Variants in SLC19A3 observed in about 807,000 individuals in gnomAD.
The protein encoded by SLC19A3 is thiamine transporter 2.
SLC19A3 carries 31 observed loss-of-function variants against 40.2 expected under a neutral mutation model. The ratio of observed to expected loss-of-function variants is 0.77; its 90% CI spans 0.58 to 1.04. SLC19A3 has a LOEUF of 1.04. SLC19A3 is among the 50% of genes least tolerant of loss of function. The pLI is 0.00. For missense variants in SLC19A3, 592 were observed against 596.7 expected, an observed-to-expected ratio of 0.99 and a Z score of 0.08; for synonymous variants, 212 against 227.5, an observed-to-expected ratio of 0.93 and a Z score of 0.61.
chr2:227,689,613 A>G (rs1695145901), intron 4 of SLC19A3, among the ~76,000 whole-genome samples: 1 of 152,230 alleles, frequency 6.6e-6, no homozygotes, highest in Admixed American at 6.5e-5. Context: ...TGAAGGGAGT[A>G]CTTCCATCTC....
intron 2 of SLC19A3, 124 bp downstream of exon 2, chr2:227,702,045 G>T (rs1055041544): frequency 3.1e-5 from 25 of 815,026 alleles, no homozygotes; most frequent in Non-Finnish European, 5.1e-5. Context: ...CACATATTAT[G>T]AAAATCAGGC....
At chr2:227,714,191 T>C (rs1339841688) in intron 1 of SLC19A3, among the ~76,000 whole-genome samples, 1 of 152,184 alleles carries the variant, frequency 6.6e-6, no homozygotes, top group Non-Finnish European at 1.5e-5. Context: ...TCTCTGTAGC[T>C]CTGGACTTTT....
Position 227,698,925 on chromosome 2 carries a change from G to C in SLC19A3, c.790C>G (p.Gln264Glu). 6.2e-7 allele frequency: 1 copy of C among 1,614,084 alleles called. No homozygotes were observed. The highest frequency in any genetic ancestry group is 8.5e-7 in the Non-Finnish European group (1 of 1,179,960). Residue 264 changes from glutamine to glutamate, a missense_variant, in exon 3 of 6, where the codon CAG becomes GAG. Physicochemically the swap from Gln to Glu is conservative, Grantham distance 29. Coordinates refer to ENST00000644224, the MANE Select transcript of SLC19A3 (RefSeq NM_025243.4). ...PSNVTVDVFV[Q>E]WFQDLKECYS... ...CACTCCTTCAAATCTTGGAACCACT[G>C]CACAAAAACGTCCACAGTCACATTG...
intron 1 of SLC19A3, among the ~76,000 whole-genome samples, chr2:227,710,460 C>T (rs1376265706): frequency 6.6e-6 from 1 of 152,280 alleles, no homozygotes; most frequent in East Asian, 1.9e-4. Flanking sequence ...CTTTGGGAGG[C>T]CGAGACGGGT....
At chr2:227,701,219 G>A (rs535163771) in intron 2 of SLC19A3, 14 of 598,042 alleles carry the variant, frequency 2.3e-5, no homozygotes, top group South Asian at 3.8e-5. Flanking sequence ...CCTTGCAGGC[G>A]AAGCCACACA....
chr2:227,687,223 G>T lies in SLC19A3; in HGVS notation c.*174C>A. 1 of 599,654 alleles carries T rather than the reference G, an allele frequency of 1.7e-6. No individual in the cohort carries two copies. Among genetic ancestry groups the T allele is most frequent in the Non-Finnish European group, 2.8e-6 (1 of 352,442 alleles). 37.1% of individuals were successfully genotyped at this position (599,654 alleles called of 1,614,324 possible). A position where few individuals can be genotyped will look rare whatever the true frequency, so the allele number is the denominator to read the frequency against. ...CCTGTCAATTGCATCCAGTAAAATTGGTCACATAGAGAACTCATCTAAAAC... is the reference window on the plus strand; with the variant it reads ...CCTGTCAATTGCATCCAGTAAAATTTGTCACATAGAGAACTCATCTAAAAC... On this transcript the variant is annotated 3_prime_UTR_variant, in exon 6 of 6. Transcript: ENST00000644224.
In SLC19A3 at chr2:227,702,234, T is replaced by A; in HGVS notation, c.85A>T (p.Arg29Ter). Residue 29 changes from arginine (R) to a stop codon, truncating the protein, a stop_gained, in exon 2 of 6, where the codon AGA becomes TGA. Transcript: ENST00000644224. LOFTEE classifies it high-confidence loss of function. The stretch of plus-strand genomic sequence containing the variant: ...GGGATAAGGAATGGTTCTGAGGGTC[T>A]CATCATGGAGAAAAAACCAAATAAG... The part of the protein sequence containing the change: ...LCLFGFFSMM[R>*]PSEPFLIPYL... The A allele has an allele frequency of 6.2e-7, 1 of 1,613,880 alleles. No homozygotes were observed. Among genetic ancestry groups the A allele is most frequent in the Non-Finnish European group, 8.5e-7 (1 of 1,179,780 alleles).
intron 4 of SLC19A3, among the ~76,000 whole-genome samples, chr2:227,694,776 C>T (rs181086589): frequency 1.8e-4 from 28 of 152,308 alleles, no homozygotes; most frequent in Admixed American, 1.5e-3. Context: ...AAAACTAGAT[C>T]TGGCGTGGTG....
rs1305846131 is a variant in SLC19A3 at position 227,699,605 on chromosome 2, C to T, written c.151-41G>A. ...ATTGCATGACCACGAAGCACCGGTA[C>T]TTTACTAAGGTACCTGTGGTTTGTA... On this transcript the variant is annotated intron_variant, in intron 2 of 5. Transcript: ENST00000644224. The T allele has an allele frequency of 1.9e-6, 3 of 1,545,664 alleles. No individual in the cohort carries two copies. The African/African-American group carries it at 4.1e-5, about 21-fold the overall frequency.
intron 4 of SLC19A3, among the ~76,000 whole-genome samples, chr2:227,693,402 G>A (rs1484641764): frequency 6.6e-6 from 1 of 152,118 alleles, no homozygotes; most frequent in East Asian, 1.9e-4. Context: ...TGGAACAGAA[G>A]AGTGAACCCA....
chr2:227,710,209 T>C (rs1187156745), intron 1 of SLC19A3, among the ~76,000 whole-genome samples: 1 of 152,102 alleles, frequency 6.6e-6, no homozygotes, highest in Non-Finnish European at 1.5e-5. Flanking sequence ...ACTCTCCACC[T>C]ACTTCCTGCC....
At chr2:227,688,414 C>T (rs1695101717) in intron 4 of SLC19A3, 107 bp from the exon 5 acceptor site, 2 of 957,670 alleles carry the variant, frequency 2.1e-6, no homozygotes, top group Non-Finnish European at 3.3e-6. Flanking sequence ...CCACCTCCAG[C>T]TCCAGGTAGT....
rs56273310 is a variant in SLC19A3, at chr2:227,692,510, G to T, written c.1172+3379C>A. Among the ~76,000 whole-genome samples the T allele has an allele frequency of 9.0e-3, 1,377 of 152,190 alleles. 14 individuals are homozygous for T. Among genetic ancestry groups the T allele is most frequent in the Middle Eastern group, 0.02 (6 of 294 alleles). On this transcript the variant is annotated intron_variant, in intron 4 of 5. Transcript: ENST00000644224. ...GTGATACAATTCAACATTCCTTCTG[G>T]CTAAATACCCTCAAAAAACTGGGTA...
chr2:227,691,306 A>G (rs1695217155), intron 4 of SLC19A3, among the ~76,000 whole-genome samples: 1 of 152,176 alleles, frequency 6.6e-6, no homozygotes, highest in Non-Finnish European at 1.5e-5. Flanking sequence ...ACAAGTGCCT[A>G]CATAAAAAAA....
At chr2:227,704,879 C>CATT (rs71039630) in intron 1 of SLC19A3, among the ~76,000 whole-genome samples, 30 of 151,252 alleles carry the variant, frequency 2.0e-4, no homozygotes, top group Middle Eastern at 3.5e-3. Flanking sequence ...TTGCAAACAG[C>CATT]ATTATTATTA....
At position 227,697,343 on chromosome 2, in the gene SLC19A3, A is replaced by C. The variant is rs1190252046; in HGVS notation, c.980-1262T>G. 3.3e-5 allele frequency among the ~76,000 whole-genome samples: 5 copies of C among 152,176 alleles called. No homozygotes were observed. The East Asian group carries it at 7.7e-4, about 23-fold the overall frequency. On this transcript the variant is annotated intron_variant, in intron 3 of 5. Transcript: ENST00000644224. ...GTAAATGAGGGTGGGGCGAATTCTC[A>C]CTTCCTAAAAAATATCTTCAAAGTC...
At chr2:227,708,370 T>A (rs1243663353) in intron 1 of SLC19A3, among the ~76,000 whole-genome samples, 1 of 152,216 alleles carries the variant, frequency 6.6e-6, no homozygotes, top group African/African-American at 2.4e-5. Flanking sequence ...CAATTTTTTC[T>A]TTCTTCTTTT....
At chr2:227,691,827 C>A (rs1289509299) in intron 4 of SLC19A3, among the ~76,000 whole-genome samples, 1 of 151,866 alleles carries the variant, frequency 6.6e-6, no homozygotes, top group Non-Finnish European at 1.5e-5. Context: ...ACTGACAAAC[C>A]TTTAGCCAGA....
chr2:227,687,561 C>T lies in SLC19A3; in HGVS notation c.1327G>A (p.Gly443Arg). The T allele has an allele frequency of 1.2e-6, 2 of 1,613,826 alleles. No individual in the cohort carries two copies. The highest frequency in any genetic ancestry group is 1.7e-6 in the Non-Finnish European group (2 of 1,179,918). ...LPVSIQFLVYGSYFAVIAGIF... is the reference protein window; with the variant it reads ...LPVSIQFLVYRSYFAVIAGIF... ...CCAGCAATTACTGCAAAATAGCTCC[C>T]ATAAACTAAAAACTGGAGAAAAACA... Residue 443 changes from glycine to arginine, a missense_variant, in exon 6 of 6, where the codon GGG (glycine) becomes AGG (arginine). Coordinates refer to ENST00000644224, the MANE Select transcript of SLC19A3 (RefSeq NM_025243.4).
Sources: gnomAD v4.1 joint callset for allele counts (sites outside exome capture counted in the v4.1 genomes callset) on GRCh38, gnomAD v4.1.1 for gene constraint, MANE v1.5 for transcripts, NCBI Gene and HGNC (gene_info 2026-07-23, HGNC 2026-07-21) for gene names.